The following BLTP3A variants were observed in gnomAD, a reference collection of about 807,000 sequenced individuals.
BLTP3A encodes the protein bridge-like lipid transfer protein family member 3A.
At chr6:34,810,395 C>T in the BLTP3A span, among the ~76,000 whole-genome samples, 9 of 152,228 alleles carry the variant, frequency 5.9e-5, no homozygotes, top group Admixed American at 4.6e-4. Flanking sequence ...AGCAGATCCT[C>T]ATAACACGTG....
chr6:34,858,511 G>T, the BLTP3A span: 4 of 1,614,096 alleles, frequency 2.5e-6, no homozygotes, highest in South Asian at 4.4e-5. Context: ...CTTGAATTTT[G>T]TAGCCCCCTT....
At chr6:34,836,897 T>TA in the BLTP3A span, among the ~76,000 whole-genome samples, 2 of 152,248 alleles carry the variant, frequency 1.3e-5, no homozygotes, top group Non-Finnish European at 2.9e-5. Flanking sequence ...TGAAAAAAAC[T>TA]AATTGACTGA....
the BLTP3A span, among the ~76,000 whole-genome samples, chr6:34,832,101 C>T: frequency 6.6e-6 from 1 of 151,030 alleles, no homozygotes; most frequent in Non-Finnish European, 1.5e-5. Context: ...GCATGAGCCA[C>T]TGCACCCGGC....
the BLTP3A span, chr6:34,792,143 G>A: frequency 1.9e-6 from 2 of 1,032,726 alleles, no homozygotes; most frequent in Non-Finnish European, 1.3e-6. Context: ...GGCGGCGGCT[G>A]TGTCCGGTGC....
At chr6:34,811,685 C>T in the BLTP3A span, among the ~76,000 whole-genome samples, 4 of 82,672 alleles carry the variant, frequency 4.8e-5, no homozygotes, top group East Asian at 1.1e-3. Flanking sequence ...CCCCCCCCCC[C>T]GCATCTCTAC....
chr6:34,813,732 C>T, the BLTP3A span, among the ~76,000 whole-genome samples: 1 of 152,174 alleles, frequency 6.6e-6, no homozygotes, highest in African/African-American at 2.4e-5. Flanking sequence ...TAATTCTTCT[C>T]AAGAATTCAA....
chr6:34,792,150 GTGCTCA>G, the BLTP3A span: 171 of 1,087,854 alleles, frequency 1.6e-4, no homozygotes, highest in African/African-American at 2.4e-4. Context: ...GCTGTGTCCG[GTGCTCA>G]CGCCGCGGCG....
At chr6:34,850,102 C>T in the BLTP3A span, among the ~76,000 whole-genome samples, 1 of 148,724 alleles carries the variant, frequency 6.7e-6, no homozygotes, top group African/African-American at 2.5e-5. Flanking sequence ...AAGATCGTGC[C>T]ACTGCACTCC....
At chr6:34,855,880 T>C in the BLTP3A span, 24 of 985,422 alleles carry the variant, frequency 2.4e-5, no homozygotes, top group Middle Eastern at 5.2e-4. Context: ...GGTTCCACTA[T>C]TGATGATTCT....
At chr6:34,855,819 C>G in the BLTP3A span, 9 of 1,531,172 alleles carry the variant, frequency 5.9e-6, no homozygotes, top group Non-Finnish European at 7.9e-6. Flanking sequence ...AGTGCATGCT[C>G]AGAGGGGTGC....
At chr6:34,843,703 A>G in the BLTP3A span, among the ~76,000 whole-genome samples, 1 of 152,208 alleles carries the variant, frequency 6.6e-6, no homozygotes, top group African/African-American at 2.4e-5. Context: ...TGCAGTAAAC[A>G]TGAGAGTGCA....
At chr6:34,864,111 G>T in the BLTP3A span, 3 of 1,614,062 alleles carry the variant, frequency 1.9e-6, no homozygotes, top group Non-Finnish European at 2.5e-6. Context: ...GTCATTTGAT[G>T]GTGTCTCATT....
chr6:34,830,535 A>G, the BLTP3A span, among the ~76,000 whole-genome samples: 1 of 151,778 alleles, frequency 6.6e-6, no homozygotes, highest in African/African-American at 2.4e-5. Flanking sequence ...TGTTGTAGTG[A>G]GCCGAGATCA....
At chr6:34,873,357 C>T in the BLTP3A span, 1 of 152,354 alleles carries the variant, frequency 6.6e-6, no homozygotes, top group Non-Finnish European at 1.5e-5. Flanking sequence ...ATCTGCTTTC[C>T]CAGCTCTGTG....
chr6:34,805,788 A>T, the BLTP3A span, among the ~76,000 whole-genome samples: 1 of 151,550 alleles, frequency 6.6e-6, no homozygotes, highest in Admixed American at 6.6e-5. Flanking sequence ...CAGTACCTGG[A>T]ATAAAGTAAG....
At chr6:34,864,580 G>C in the BLTP3A span, among the ~76,000 whole-genome samples, 1 of 106,044 alleles carries the variant, frequency 9.4e-6, no homozygotes, top group African/African-American at 3.8e-5. Flanking sequence ...CTTTTTATCT[G>C]TTAATAAAAT....
chr6:34,806,238 T>C, the BLTP3A span, among the ~76,000 whole-genome samples: 42 of 152,374 alleles, frequency 2.8e-4, no homozygotes, highest in African/African-American at 8.7e-4. Context: ...GTAGACTAAA[T>C]GTCCCAGTTC....
chr6:34,835,441 A>C, the BLTP3A span: 1 of 1,614,172 alleles, frequency 6.2e-7, no homozygotes, highest in Non-Finnish European at 8.5e-7. Context: ...TCAAAGAAAG[A>C]GCCTGGCCCC....
chr6:34,871,778 G>A, the BLTP3A span: 4 of 1,611,660 alleles, frequency 2.5e-6, no homozygotes, highest in African/African-American at 4.0e-5. Context: ...TTGGGAGTTG[G>A]CAGCAGTTTG....
Sources: gnomAD v4.1 joint callset for allele counts (sites outside exome capture counted in the v4.1 genomes callset) on GRCh38, gnomAD v4.1.1 for gene constraint, MANE v1.5 for transcripts, NCBI Gene and HGNC (gene_info 2026-07-23, HGNC 2026-07-21) for gene names.